The following FAF1 variants were observed in gnomAD, a reference collection of about 807,000 sequenced individuals.
The protein encoded by FAF1 is Fas associated factor 1, also known as FAS-associated factor 1.
FAF1 carries 25 observed loss-of-function variants against 92.5 expected under a neutral mutation model. The ratio of observed to expected loss-of-function variants is 0.27; its 90% CI spans 0.20 to 0.38. The LOEUF (loss-of-function observed/expected upper bound fraction) is 0.38. Ranked by LOEUF, FAF1 falls within the 10% of genes least tolerant of loss-of-function variation. The probability of loss-of-function intolerance (pLI) is 1.00; values close to 1 mark genes in which losing one functional copy is unlikely to be tolerated. For missense variants in FAF1, 636 were observed against 793.3 expected, an observed-to-expected ratio of 0.80 and a Z score of 2.38; for synonymous variants, 234 against 273.2, an observed-to-expected ratio of 0.86 and a Z score of 1.42.
chr1:50,500,562 T>C (rs944419705), intron 15 of FAF1, among the ~76,000 whole-genome samples: 2 of 152,150 alleles, frequency 1.3e-5, no homozygotes, highest in Non-Finnish European at 2.9e-5. Flanking sequence ...AAAGCTATAA[T>C]ACTTATAAAG....
intron 15 of FAF1, among the ~76,000 whole-genome samples, chr1:50,529,894 AAATT>A (rs1477820122): frequency 1.3e-5 from 2 of 152,180 alleles, no homozygotes; most frequent in African/African-American, 4.8e-5. Flanking sequence ...AAAGTGAGAG[AAATT>A]AATTTTCTGT....
intron 4 of FAF1, among the ~76,000 whole-genome samples, chr1:50,768,123 A>G (rs1660646048): frequency 6.6e-6 from 1 of 152,214 alleles, no homozygotes; most frequent in South Asian, 2.1e-4. Flanking sequence ...TCAACAGAAA[A>G]CAGAACAAAA....
At chr1:50,460,371 T>C (rs1214607353) in intron 18 of FAF1, among the ~76,000 whole-genome samples, 1 of 152,190 alleles carries the variant, frequency 6.6e-6, no homozygotes, top group African/African-American at 2.4e-5. Context: ...TTTTTGTTAG[T>C]GATTTTCCTG....
Position 50,809,757 on chromosome 1 carries a change from C to T in FAF1, c.115-8080G>A, listed in dbSNP as rs535503401. Among the ~76,000 whole-genome samples the T allele has an allele frequency of 3.3e-5, 5 of 152,340 alleles. No individual in the cohort carries two copies. The South Asian group carries it at 6.2e-4, about 19-fold the overall frequency. On this transcript the variant is annotated intron_variant, in intron 2 of 18. Transcript: ENST00000396153. ...ATATTTAAGAAAGAAAGACTCCTCCCTAACTCACTGTTTGAGGCCAGCATC... is the reference window on the plus strand; with the variant it reads ...ATATTTAAGAAAGAAAGACTCCTCCTTAACTCACTGTTTGAGGCCAGCATC...
At chr1:50,640,478 T>G (rs1654272716) in intron 8 of FAF1, among the ~76,000 whole-genome samples, 1 of 151,908 alleles carries the variant, frequency 6.6e-6, no homozygotes, top group African/African-American at 2.4e-5. Context: ...GTATTTTTAG[T>G]AGAGACAAGG....
chr1:50,960,201 C>G lies in FAF1; in HGVS notation c.-390G>C, dbSNP rs906300059. 4 of 311,756 alleles carry G rather than the reference C, an allele frequency of 1.3e-5. No homozygotes were observed. Among genetic ancestry groups the G allele is most frequent in the African/African-American group, 4.4e-5 (2 of 45,258 alleles). 19.3% of individuals were successfully genotyped at this position (311,756 alleles called of 1,614,324 possible). On this transcript the variant is annotated 5_prime_UTR_variant, in exon 1 of 19. Transcript: ENST00000396153. ...CGGGGAAACCGAGCGAGCGAGCGGG[C>G]GGGCGAACGCCGCGGCCGCCTCCGC...
chr1:50,747,695 G>A (rs577569358), intron 4 of FAF1, among the ~76,000 whole-genome samples: 16 of 152,282 alleles, frequency 1.1e-4, no homozygotes, highest in Admixed American at 7.2e-4. Flanking sequence ...GGGGCCACGG[G>A]TGAAATAATA....
chr1:50,931,186 A>G (rs750292222), intron 1 of FAF1, among the ~76,000 whole-genome samples: 5 of 152,202 alleles, frequency 3.3e-5, no homozygotes, highest in Non-Finnish European at 5.9e-5. Context: ...GCAGTAGTTT[A>G]CTGTAAGTTT....
intron 9 of FAF1, among the ~76,000 whole-genome samples, chr1:50,592,130 C>T (rs1319068545): frequency 2.0e-5 from 3 of 152,084 alleles, no homozygotes; most frequent in Non-Finnish European, 2.9e-5. Flanking sequence ...CCCCTAGCAT[C>T]TCATGCTTGC....
intron 4 of FAF1, among the ~76,000 whole-genome samples, chr1:50,758,820 T>C (rs1480859364): frequency 2.0e-5 from 3 of 152,188 alleles, no homozygotes; most frequent in East Asian, 3.9e-4. Flanking sequence ...CTGCTTCTGA[T>C]AGAAGTCTGT....
intron 3 of FAF1, among the ~76,000 whole-genome samples, chr1:50,797,802 A>C (rs531222942): frequency 6.6e-6 from 1 of 152,336 alleles, no homozygotes; most frequent in Non-Finnish European, 1.5e-5. Context: ...GCTCAGGAGG[A>C]GTTCAAGTCC....
chr1:50,539,636 A>G lies in FAF1; in HGVS notation c.1361T>C (p.Ile454Thr). The change falls in exon 14 of 19, where the codon ATT (isoleucine) becomes ACT (threonine). Residue 454 changes from isoleucine to threonine, a missense_variant. Physicochemically the swap from Ile to Thr is moderately conservative, Grantham distance 89. This residue lies in a region of FAF1 where 319 missense variants were observed against 451.0 expected (regional missense o/e 0.71). Transcript: ENST00000396153. ...KTDQFPLFLI[I>T]MGKRSSNEVL... ...TTCATTAGATGATCGCTTTCCCATAATAATCAGGAAAAGCGGAAACTGATC... is the reference window on the plus strand; with the variant it reads ...TTCATTAGATGATCGCTTTCCCATAGTAATCAGGAAAAGCGGAAACTGATC... 6.2e-7 allele frequency: 1 copy of G among 1,612,394 alleles called. No individual in the cohort carries two copies. The highest frequency in any genetic ancestry group is 8.5e-7 in the Non-Finnish European group (1 of 1,178,782).
At chr1:50,539,417 C>T (rs1648652762) in intron 14 of FAF1, among the ~76,000 whole-genome samples, 175 bp downstream of exon 14, 1 of 152,188 alleles carries the variant, frequency 6.6e-6, no homozygotes. Flanking sequence ...TTTAGATTTT[C>T]ATGCAGCATA....
intron 15 of FAF1, among the ~76,000 whole-genome samples, chr1:50,498,157 G>A (rs1442513122): frequency 6.6e-6 from 1 of 152,004 alleles, no homozygotes; most frequent in Admixed American, 6.6e-5. Flanking sequence ...CATTCAATGA[G>A]GAAAGAACAG....
intron 2 of FAF1, among the ~76,000 whole-genome samples, chr1:50,841,728 G>A (rs1431396190): frequency 6.6e-6 from 1 of 151,840 alleles, no homozygotes; most frequent in African/African-American, 2.4e-5. Flanking sequence ...GAAGATAATT[G>A]TAAAAAATAA....
At chr1:50,761,958 A>T (rs1413243180) in intron 4 of FAF1, among the ~76,000 whole-genome samples, 3 of 152,044 alleles carry the variant, frequency 2.0e-5, no homozygotes, top group Admixed American at 6.6e-5. Flanking sequence ...TCAGCCCAAA[A>T]TCTCCTTAAG....
chr1:50,958,704 T>A (rs529490037), intron 1 of FAF1, among the ~76,000 whole-genome samples: 173 of 151,360 alleles, frequency 1.1e-3, no homozygotes, highest in Middle Eastern at 6.8e-3. Flanking sequence ...TAATTAATTT[T>A]AAAAAAAATA....
chr1:50,461,444 T>G (rs1340045138), intron 18 of FAF1: 2 of 152,186 alleles, frequency 1.3e-5, no homozygotes, highest in Non-Finnish European at 2.9e-5. Flanking sequence ...TTCATCTATC[T>G]ATCCATCTAC....
At chr1:50,649,795 A>G (rs1351455922) in intron 8 of FAF1, among the ~76,000 whole-genome samples, 1 of 151,256 alleles carries the variant, frequency 6.6e-6, no homozygotes, top group Non-Finnish European at 1.5e-5. Context: ...CAAAAAAAAA[A>G]AAAAAAGAAA....
Sources: gnomAD v4.1 joint callset for allele counts (sites outside exome capture counted in the v4.1 genomes callset) on GRCh38, gnomAD v4.1.1 for gene constraint, gnomAD v4.1.1 regional missense constraint, MANE v1.5 for transcripts, NCBI Gene and HGNC (gene_info 2026-07-23, HGNC 2026-07-21) for gene names.